The following MEGF10 variants were observed in gnomAD, a reference collection of about 807,000 sequenced individuals.
The protein encoded by MEGF10 is multiple EGF like domains 10.
MEGF10 carries 86 observed loss-of-function variants against 147.5 expected under a neutral mutation model. The observed-to-expected ratio is 0.58, with a 90% CI of 0.49 to 0.70. The LOEUF (loss-of-function observed/expected upper bound fraction) is 0.70. Ranked by LOEUF, MEGF10 falls within the 30% of genes least tolerant of loss-of-function variation. The pLI is 0.00. For synonymous variants in MEGF10, 478 were observed against 525.5 expected, an observed-to-expected ratio of 0.91 and a Z score of 1.24; for missense variants, 1,329 against 1,487.3, an observed-to-expected ratio of 0.89 and a Z score of 1.75.
At chr5:127,359,058 G>GTT (rs75925894) in intron 4 of MEGF10, among the ~76,000 whole-genome samples, 43 of 141,984 alleles carry the variant, frequency 3.0e-4, no homozygotes, top group South Asian at 1.6e-3. Context: ...AAGCTGTTTT[G>GTT]TTTTTTTTTT....
intron 13 of MEGF10, among the ~76,000 whole-genome samples, chr5:127,428,060 C>A (rs903738692): frequency 3.3e-5 from 5 of 151,772 alleles, no homozygotes; most frequent in East Asian, 1.9e-4. Context: ...ACAGAAAAAA[C>A]CAAAGCTCCA....
In MEGF10 at chr5:127,454,167, G is replaced by A. The variant is rs370961390; in HGVS notation, c.2981-399G>A. Among the ~76,000 whole-genome samples, 9 of 152,266 alleles carry A rather than the reference G, an allele frequency of 5.9e-5. No individual in the cohort carries two copies. In the Middle Eastern group the frequency reaches 0.01, roughly 173 times the overall value. On this transcript the variant is annotated intron_variant, in intron 22 of 24. Transcript: ENST00000503335. ...TTATAGTGAAGACAATAATATAACC[G>A]AATAATGATTATTGGGAAAACTATT...
chr5:127,252,505 T>A, the MEGF10 span, among the ~76,000 whole-genome samples: 1 of 151,900 alleles, frequency 6.6e-6, no homozygotes, highest in African/African-American at 2.4e-5. Context: ...TTTCAAGGAA[T>A]AAGTGAAAGA....
At chr5:127,237,788 C>A in the MEGF10 span, among the ~76,000 whole-genome samples, 1 of 152,004 alleles carries the variant, frequency 6.6e-6, no homozygotes, top group African/African-American at 2.4e-5. Flanking sequence ...CTTTCCCTCT[C>A]CCTCCACCTC....
intron 24 of MEGF10, among the ~76,000 whole-genome samples, chr5:127,456,854 T>C (rs1259895058): frequency 2.0e-5 from 3 of 152,192 alleles, no homozygotes; most frequent in Non-Finnish European, 4.4e-5. Flanking sequence ...CAGACCATGA[T>C]TTATTTCCAG....
chr5:127,417,680 G>C lies in MEGF10; in HGVS notation c.1173G>C (p.Trp391Cys), dbSNP rs1015162934. 1.2e-6 allele frequency: 2 copies of C among 1,614,118 alleles called. No homozygotes were observed. Among genetic ancestry groups the C allele is most frequent in the East Asian group, 4.5e-5 (2 of 44,864 alleles). The change falls in exon 10 of 25, where the codon TGG becomes TGC. Residue 391 changes from tryptophan to cysteine, a missense_variant. Trp to Cys is a radical substitution (Grantham distance 215). This residue lies in a region of MEGF10 where 980 missense variants were observed against 1,085.9 expected (regional missense o/e 0.90). Coordinates refer to ENST00000503335, the MANE Select transcript of MEGF10 (RefSeq NM_001256545.2). ...MSGECACKPG[W>C]SGLYCNETCS... is the part of the protein sequence containing the mutation. ...GAGAGTGTGCCTGCAAGCCGGGCTG[G>C]TCAGGACTCTACTGTAATGAGACAT...
the MEGF10 span, among the ~76,000 whole-genome samples, chr5:127,265,547 G>A: frequency 1.1e-4 from 16 of 152,248 alleles, no homozygotes; most frequent in African/African-American, 3.9e-4. Flanking sequence ...CAGTGTAAAA[G>A]TGTTCCTATT....
At chr5:127,265,161 T>C in the MEGF10 span, among the ~76,000 whole-genome samples, 25 of 152,320 alleles carry the variant, frequency 1.6e-4, no homozygotes, top group East Asian at 4.8e-3. Flanking sequence ...AGTGAGAACA[T>C]GCAGTGTTTG....
At chr5:127,234,068 T>C in the MEGF10 span, among the ~76,000 whole-genome samples, 2 of 152,218 alleles carry the variant, frequency 1.3e-5, no homozygotes, top group African/African-American at 4.8e-5. Flanking sequence ...TATTTACATC[T>C]GGAAGCAGAG....
intron 22 of MEGF10, among the ~76,000 whole-genome samples, chr5:127,450,197 A>C (rs1454872887): frequency 6.7e-6 from 1 of 149,210 alleles, no homozygotes; most frequent in African/African-American, 2.6e-5. Flanking sequence ...TGAAAACGGC[A>C]AATATTGTTG....
At chr5:127,247,335 G>A in the MEGF10 span, among the ~76,000 whole-genome samples, 2 of 2,606 alleles carry the variant, frequency 7.7e-4, no homozygotes, top group Non-Finnish European at 1.7e-3. Flanking sequence ...AGAAGAAGAA[G>A]AAGAAGAAGA....
chr5:127,438,592 C>T (rs1470643006), intron 17 of MEGF10, 25 bp downstream of exon 17: 7 of 1,611,444 alleles, frequency 4.3e-6, no homozygotes, highest in Non-Finnish European at 5.9e-6. Context: ...TTCTGAGGCT[C>T]ACCAAGGGGA....
Position 127,396,527 on chromosome 5 carries a change from C to T in MEGF10, c.413-5C>T, listed in dbSNP as rs372710875. On this transcript the variant is annotated splice_region_variant and splice_polypyrimidine_tract_variant and intron_variant, in intron 5 of 24. Coordinates refer to ENST00000503335, the MANE Select transcript of MEGF10 (RefSeq NM_001256545.2). ...GATATCCACTGTTTCTCTCCTCAAT[C>T]TCAGCCTGCGATGGTGATCACTGGG... is the stretch of plus-strand genomic sequence containing the variant. The T allele has an allele frequency of 2.6e-5, 40 of 1,527,318 alleles. No individual in the cohort carries two copies. The African/African-American group carries it at 5.1e-4, about 20-fold the overall frequency. 94.6% of individuals were successfully genotyped at this position (1,527,318 alleles called of 1,614,324 possible). A position where few individuals can be genotyped will look rare whatever the true frequency, so the allele number is the denominator to read the frequency against.
At chr5:127,426,045 G>A (rs563745028) in intron 13 of MEGF10, among the ~76,000 whole-genome samples, 1 of 152,356 alleles carries the variant, frequency 6.6e-6, no homozygotes, top group African/African-American at 2.4e-5. Flanking sequence ...ACACTGTGGG[G>A]AGAGGCTGAT....
intron 4 of MEGF10, among the ~76,000 whole-genome samples, chr5:127,345,987 G>A (rs1049447715): frequency 5.3e-5 from 8 of 152,002 alleles, no homozygotes; most frequent in Admixed American, 6.6e-5. Context: ...TTAGAATAAC[G>A]GTTCCCAATT....
At chr5:127,444,042 T>C (rs1736228018) in intron 19 of MEGF10, among the ~76,000 whole-genome samples, 1 of 152,202 alleles carries the variant, frequency 6.6e-6, no homozygotes, top group South Asian at 2.1e-4. Context: ...GTGTATGTCA[T>C]AACGACCTGG....
Position 127,435,066 on chromosome 5 carries a change from C to A in MEGF10, c.1975+245C>A, listed in dbSNP as rs553413915. On this transcript the variant is annotated intron_variant, in intron 15 of 24. Coordinates refer to ENST00000503335, the MANE Select transcript of MEGF10 (RefSeq NM_001256545.2). Reference sequence around the variant, plus strand: ...ACTCTTCAGTTTTAGCTGGACATGTCCTCCCATAAAAAATCAATATGCGGA... The same window carrying A: ...ACTCTTCAGTTTTAGCTGGACATGTACTCCCATAAAAAATCAATATGCGGA... Among the ~76,000 whole-genome samples, 7 of 152,242 alleles carry A rather than the reference C, an allele frequency of 4.6e-5. No individual in the cohort carries two copies. In the East Asian group the frequency reaches 9.6e-4, roughly 21 times the overall value.
intron 22 of MEGF10, among the ~76,000 whole-genome samples, chr5:127,450,831 T>A (rs571180254): frequency 3.9e-5 from 6 of 152,296 alleles, no homozygotes; most frequent in African/African-American, 1.4e-4. Flanking sequence ...CGATCTCGGC[T>A]CACTGCAAGA....
chr5:127,300,071 A>G (rs1023423449), intron 1 of MEGF10: 1 of 152,302 alleles, frequency 6.6e-6, no homozygotes, highest in South Asian at 2.1e-4. Context: ...TTTCTTCATT[A>G]TGTTTTCATT....
Sources: gnomAD v4.1 joint callset for allele counts (sites outside exome capture counted in the v4.1 genomes callset) on GRCh38, gnomAD v4.1.1 for gene constraint, gnomAD v4.1.1 regional missense constraint, MANE v1.5 for transcripts, NCBI Gene and HGNC (gene_info 2026-07-23, HGNC 2026-07-21) for gene names.